TTC21B: variants seen among roughly 807,000 people sequenced by gnomAD.
The protein encoded by TTC21B is tetratricopeptide repeat protein 21B.
Under a neutral mutation model 175.1 loss-of-function variants are expected in TTC21B, and 127 were observed. The observed-to-expected ratio is 0.73, with a 90% CI of 0.63 to 0.84. The LOEUF is 0.84. Among genes scored for constraint, TTC21B ranks in the 40% least tolerant of loss-of-function variants. The pLI, the probability that TTC21B is intolerant of heterozygous loss-of-function variation, is 0.00. For missense variants in TTC21B, 1,561 were observed against 1,558.3 expected, an observed-to-expected ratio of 1.00 and a Z score of -0.03; for synonymous variants, 524 against 524.5, an observed-to-expected ratio of 1.00 and a Z score of 0.01.
intron 13 of TTC21B, among the ~76,000 whole-genome samples, chr2:165,918,378 G>A (rs757212880): frequency 1.1e-4 from 17 of 152,126 alleles, no homozygotes; most frequent in Non-Finnish European, 2.4e-4. Flanking sequence ...CACTGCAAGC[G>A]CTGCCTCCCA....
rs372149260 is a variant in TTC21B at position 165,880,748 on chromosome 2, C to T, written c.3736G>A (p.Ala1246Thr). The T allele has an allele frequency of 3.1e-6, 5 of 1,613,210 alleles. No homozygotes were observed. The African/African-American group carries it at 4.0e-5, about 13-fold the overall frequency. The change falls in exon 27 of 29, where the codon GCA becomes ACA. Residue 1246 changes from alanine to threonine, a missense_variant. Ala to Thr is a moderately conservative substitution (Grantham distance 58). Coordinates refer to ENST00000243344, the MANE Select transcript of TTC21B (RefSeq NM_024753.5). ...TAGTTCAAGGCAGCATCTGTATATG[C>T]TTGCTCTTTTTCCATAATGTATCCC... ...YMGYIMEKEQ[A>T]YTDAALNYEM...
At position 165,953,730 on chromosome 2, in the gene TTC21B, G is replaced by A. The variant is rs1237746423; in HGVS notation, c.-25C>T. The A allele has an allele frequency of 1.3e-6, 2 of 1,549,144 alleles. No homozygotes were observed. Among genetic ancestry groups the A allele is most frequent in the East Asian group, 2.4e-5 (1 of 40,830 alleles). On this transcript the variant is annotated 5_prime_UTR_variant, in exon 1 of 29. Transcript: ENST00000243344. Reference sequence around the variant, plus strand: ...TGGCTGCCCCGAGGCCGGGCCGCGGGGCTCTGGGGATTGTCTCGCCGCAGC... The same window carrying A: ...TGGCTGCCCCGAGGCCGGGCCGCGGAGCTCTGGGGATTGTCTCGCCGCAGC...
chr2:165,917,147 G>A, intron 14 of TTC21B, 110 bp downstream of exon 14: 1 of 1,026,298 alleles, frequency 9.7e-7, no homozygotes, highest in Non-Finnish European at 1.5e-6. Flanking sequence ...CCAAAGTGCT[G>A]GGATTACAGG....
intron 6 of TTC21B, among the ~76,000 whole-genome samples, chr2:165,935,306 A>T (rs1687088202): frequency 6.6e-6 from 1 of 152,182 alleles, no homozygotes; most frequent in Non-Finnish European, 1.5e-5. Context: ...TGGATTCAAC[A>T]ATCTCTCCTT....
chr2:165,924,471 C>A (rs552515077), intron 12 of TTC21B, 78 bp downstream of exon 12: 1 of 1,397,772 alleles, frequency 7.2e-7, no homozygotes, highest in Middle Eastern at 2.0e-4. Flanking sequence ...TCTATATATA[C>A]ACAGTGCTTA....
intron 12 of TTC21B, among the ~76,000 whole-genome samples, chr2:165,922,567 A>T (rs1414961254): frequency 8.3e-5 from 3 of 36,002 alleles, no homozygotes; most frequent in Non-Finnish European, 6.0e-5. Context: ...TTAAAAAGTC[A>T]AAAAAAAAAA....
intron 19 of TTC21B, among the ~76,000 whole-genome samples, chr2:165,905,277 AAAGTC>A (rs1685689539): frequency 6.6e-6 from 1 of 152,178 alleles, no homozygotes; most frequent in Non-Finnish European, 1.5e-5. Flanking sequence ...AACTCAGATA[AAAGTC>A]AAGAAAATTT....
chr2:165,922,093 T>G (rs551833061), intron 12 of TTC21B, among the ~76,000 whole-genome samples: 1 of 152,154 alleles, frequency 6.6e-6, no homozygotes, highest in Non-Finnish European at 1.5e-5. Flanking sequence ...AACAATTAAG[T>G]ATTACTAGAT....
Position 165,880,783 on chromosome 2 carries a change from T to C in TTC21B, c.3701A>G (p.Tyr1234Cys), listed in dbSNP as rs1275034950. 1 of 1,612,776 alleles carries C rather than the reference T, an allele frequency of 6.2e-7. No homozygotes were observed. The highest frequency in any genetic ancestry group is 1.1e-5 in the South Asian group (1 of 91,028). ...TTCCATAATGTATCCCATATATTCA[T>C]AAGCTTTGCAGCAAGACTGAAGAAA... is the stretch of plus-strand genomic sequence containing the variant. ...LRHNRSCCKA[Y>C]EYMGYIMEKE... The change falls in exon 27 of 29, where the codon TAT becomes TGT. Residue 1234 changes from tyrosine (Y) to cysteine (C), a missense_variant. By Grantham distance (194) the Tyr-to-Cys change is radical. Coordinates refer to ENST00000243344, the MANE Select transcript of TTC21B (RefSeq NM_024753.5).
chr2:165,894,167 C>T (rs1264726746), intron 22 of TTC21B, among the ~76,000 whole-genome samples: 1 of 151,996 alleles, frequency 6.6e-6, no homozygotes, highest in Non-Finnish European at 1.5e-5. Flanking sequence ...GATGTGTTAG[C>T]TAGCTATCAA....
Position 165,945,110 on chromosome 2 carries a change from G to T in TTC21B, c.429+414C>A, listed in dbSNP as rs573901296. Among the ~76,000 whole-genome samples the T allele has an allele frequency of 6.6e-5, 10 of 152,162 alleles. No individual in the cohort carries two copies. The South Asian group carries it at 2.1e-3, about 32-fold the overall frequency. On this transcript the variant is annotated intron_variant, in intron 4 of 28. Transcript: ENST00000243344. ...TGGGGATGTGCTCTATGCACTACTG[G>T]GTTATTCATTCATGAAAGCAAAGTT...
Position 165,917,344 on chromosome 2 carries a change from T to C in TTC21B, c.1812A>G (p.Ser604=). 2 of 1,614,234 alleles carry C rather than the reference T, an allele frequency of 1.2e-6. No individual in the cohort carries two copies. Among genetic ancestry groups the C allele is most frequent in the Non-Finnish European group, 1.7e-6 (2 of 1,180,042 alleles). ...TATCAACTTCAGTTTTTCTGTCTTT[T>C]GATTTTGTGGAAGCTCCAATTCTTT... ...GMKRIGASTK[S]KDRKTEVDTS... is the part of the protein sequence containing the mutation. Residue 604 remains serine, a synonymous_variant, in exon 14 of 29, where the codon TCA becomes TCG. Transcript: ENST00000243344.
chr2:165,909,136 A>C (rs1685845577), intron 18 of TTC21B, among the ~76,000 whole-genome samples: 2 of 149,500 alleles, frequency 1.3e-5, no homozygotes, highest in Non-Finnish European at 2.9e-5. Flanking sequence ...ATGTATATGA[A>C]GGAGTTTATT....
In TTC21B at chr2:165,890,975, T is replaced by C. The variant is rs1343821761; in HGVS notation, c.2964A>G (p.Thr988=). The C allele has an allele frequency of 6.2e-7, 1 of 1,612,192 alleles. No homozygotes were observed. Among genetic ancestry groups the C allele is most frequent in the South Asian group, 1.1e-5 (1 of 91,032 alleles). The change falls in exon 23 of 29, where the codon ACA becomes ACG. Residue 988 remains threonine, a synonymous_variant. Coordinates refer to ENST00000243344, the MANE Select transcript of TTC21B (RefSeq NM_024753.5). ...LLERKPDNYM[T]LSRLIDLLRR... ...TTAGGAGATCAATCAAACGAGATAA[T>C]GTCATATAATTATCTAGAAACAAAT...
At chr2:165,883,736 A>G (rs935192050) in intron 26 of TTC21B, 58 bp downstream of exon 26, 2 of 1,336,318 alleles carry the variant, frequency 1.5e-6, no homozygotes, top group African/African-American at 1.4e-5. Flanking sequence ...AACAATATCT[A>G]TATGGAAAGC....
intron 25 of TTC21B, among the ~76,000 whole-genome samples, chr2:165,887,908 GA>G (rs1039196613): frequency 1.3e-5 from 2 of 152,274 alleles, no homozygotes; most frequent in African/African-American, 4.8e-5. Context: ...TGTAAGTGAA[GA>G]AGTAAGATAT....
intron 25 of TTC21B, 48 bp from the exon 26 acceptor site, chr2:165,884,066 C>A (rs772076485): frequency 1.4e-5 from 21 of 1,473,746 alleles, no homozygotes; most frequent in Non-Finnish European, 1.4e-5. Context: ...AACATAAATG[C>A]CCCAAAAACA....
chr2:165,901,948 A>G, intron 19 of TTC21B, 38 bp from the exon 20 acceptor site: 1 of 1,540,186 alleles, frequency 6.5e-7, no homozygotes. Flanking sequence ...AAAAAAAAAA[A>G]AGGAAATTAA....
At chr2:165,915,719 C>A (rs1294867488) in intron 14 of TTC21B, among the ~76,000 whole-genome samples, 1 of 152,162 alleles carries the variant, frequency 6.6e-6, no homozygotes, top group Non-Finnish European at 1.5e-5. Context: ...TGAGCACTTA[C>A]TAAGCACCCA....
Sources: allele counts gnomAD v4.1 joint callset (sites outside exome capture counted in the v4.1 genomes callset), GRCh38; gene constraint gnomAD v4.1.1; transcripts MANE v1.5; gene names NCBI Gene and HGNC (gene_info 2026-07-23, HGNC 2026-07-21).